The following RPSA2 variants were observed in gnomAD, a reference collection of about 807,000 sequenced individuals.
RPSA2 encodes the protein ribosomal protein SA 2, also known as small ribosomal subunit protein uS2B.
chr19:23,814,174 T>G, the RPSA2 span, among the ~76,000 whole-genome samples: 1 of 149,032 alleles, frequency 6.7e-6, no homozygotes, highest in African/African-American at 2.5e-5. Context: ...ACCATGCCAC[T>G]GCATTCCAGC....
At chr19:23,770,223 G>A in the RPSA2 span, among the ~76,000 whole-genome samples, 1 of 152,178 alleles carries the variant, frequency 6.6e-6, no homozygotes, top group African/African-American at 2.4e-5. Flanking sequence ...CATAGGTGAT[G>A]TGACTCATAG....
the RPSA2 span, among the ~76,000 whole-genome samples, chr19:23,781,602 G>T: frequency 6.6e-6 from 1 of 152,098 alleles, no homozygotes; most frequent in Non-Finnish European, 1.5e-5. Context: ...GCCTCCCAAG[G>T]TGGTGGGATT....
chr19:23,855,875 G>A, the RPSA2 span, among the ~76,000 whole-genome samples: 3,203 of 152,210 alleles, frequency 0.021, 131 homozygotes, highest in African/African-American at 0.073. Flanking sequence ...GAGCCATTAG[G>A]TGGCTCCGGA....
chr19:23,787,827 T>C, the RPSA2 span, among the ~76,000 whole-genome samples: 1 of 152,216 alleles, frequency 6.6e-6, no homozygotes, highest in Non-Finnish European at 1.5e-5. Context: ...TACTTTTTTT[T>C]CTTGGACCTG....
At chr19:23,814,498 TTAATA>T in the RPSA2 span, among the ~76,000 whole-genome samples, 1 of 152,192 alleles carries the variant, frequency 6.6e-6, no homozygotes, top group Non-Finnish European at 1.5e-5. Flanking sequence ...ATTGCTGCTT[TTAATA>T]TGTTTCAAAA....
At chr19:23,775,897 A>T in the RPSA2 span, among the ~76,000 whole-genome samples, 5 of 152,190 alleles carry the variant, frequency 3.3e-5, no homozygotes, top group Admixed American at 1.3e-4. Flanking sequence ...AGGATTGTTA[A>T]TGTCATCCCT....
chr19:23,824,580 C>CTTTATTTTTTTTTTTTTTTTTTT, the RPSA2 span, among the ~76,000 whole-genome samples: 1 of 63,822 alleles, frequency 1.6e-5, no homozygotes, highest in Admixed American at 2.4e-4. Context: ...TATAGCATTT[C>CTTTATTTTTTTTTTTTTTTTTTT]TTTTTTTTTT....
At chr19:23,782,913 C>T in the RPSA2 span, among the ~76,000 whole-genome samples, 1 of 152,042 alleles carries the variant, frequency 6.6e-6, no homozygotes, top group Non-Finnish European at 1.5e-5. Flanking sequence ...TTGCCTAGGC[C>T]ATCCCCTCAG....
At chr19:23,822,747 C>T in the RPSA2 span, among the ~76,000 whole-genome samples, 5 of 152,092 alleles carry the variant, frequency 3.3e-5, no homozygotes, top group African/African-American at 1.2e-4. Context: ...GGCATGATAC[C>T]ATCTGAGTTG....
chr19:23,769,065 T>G, the RPSA2 span, among the ~76,000 whole-genome samples: 2 of 152,234 alleles, frequency 1.3e-5, no homozygotes, highest in Non-Finnish European at 2.9e-5. Flanking sequence ...TTGATTCTTC[T>G]GCTGACTCCC....
At chr19:23,861,725 GA>G in the RPSA2 span, among the ~76,000 whole-genome samples, 1 of 152,118 alleles carries the variant, frequency 6.6e-6, no homozygotes, top group African/African-American at 2.4e-5. Flanking sequence ...GACCATCACA[GA>G]AGGGAAGGTC....
At chr19:23,816,680 C>G in the RPSA2 span, among the ~76,000 whole-genome samples, 1 of 152,116 alleles carries the variant, frequency 6.6e-6, no homozygotes. Context: ...GTACCTTACC[C>G]TGGGCAAATT....
chr19:23,761,921 T>TCTCTCTCTCTCTCTC, the RPSA2 span, among the ~76,000 whole-genome samples: 4 of 76,138 alleles, frequency 5.3e-5, no homozygotes, highest in African/African-American at 1.0e-4. Flanking sequence ...TCTTTCTTTC[T>TCTCTCTCTCTCTCTC]TTTTTTTTTT....
the RPSA2 span, among the ~76,000 whole-genome samples, chr19:23,836,566 T>A: frequency 6.6e-6 from 1 of 152,236 alleles, no homozygotes; most frequent in Non-Finnish European, 1.5e-5. Context: ...ATGATAATTC[T>A]GCTTTTAGTT....
chr19:23,866,714 C>T, the RPSA2 span, among the ~76,000 whole-genome samples: 16 of 152,064 alleles, frequency 1.1e-4, no homozygotes, highest in Admixed American at 1.0e-3. Context: ...GGGTGGGTCC[C>T]AGGAGGAATA....
chr19:23,768,085 CTG>C, the RPSA2 span, among the ~76,000 whole-genome samples: 2 of 152,048 alleles, frequency 1.3e-5, no homozygotes, highest in African/African-American at 4.8e-5. Flanking sequence ...TTTTTAATAA[CTG>C]TAAATTACAT....
chr19:23,762,676 CAA>C, the RPSA2 span, among the ~76,000 whole-genome samples: 4 of 130,108 alleles, frequency 3.1e-5, no homozygotes, highest in African/African-American at 2.9e-5. Flanking sequence ...AACTCGGTCT[CAA>C]AAAAAAAAAA....
At chr19:23,810,237 C>CA in the RPSA2 span, among the ~76,000 whole-genome samples, 1 of 151,632 alleles carries the variant, frequency 6.6e-6, no homozygotes, top group East Asian at 1.9e-4. Context: ...ACTAAAAATA[C>CA]AAAAAAATTA....
At chr19:23,794,260 C>T in the RPSA2 span, among the ~76,000 whole-genome samples, 2 of 152,154 alleles carry the variant, frequency 1.3e-5, no homozygotes, top group Non-Finnish European at 2.9e-5. Context: ...GTTTTTAGTT[C>T]TGTGAGGAAT....
Sources: gnomAD v4.1 joint callset for allele counts (sites outside exome capture counted in the v4.1 genomes callset) on GRCh38, gnomAD v4.1.1 for gene constraint, MANE v1.5 for transcripts, NCBI Gene and HGNC (gene_info 2026-07-23, HGNC 2026-07-21) for gene names.